SLX9: variants seen among roughly 807,000 people sequenced by gnomAD.
The protein encoded by SLX9 is SLX9 ribosome biogenesis factor, also known as ribosome biogenesis protein SLX9 homolog.
In SLX9, 19 loss-of-function variants were observed where a neutral mutation model predicts 20.8. The observed-to-expected ratio is 0.91, with a 90% CI of 0.64 to 1.34. The LOEUF (loss-of-function observed/expected upper bound fraction) is 1.34, where lower values mean the gene tolerates loss of function less well. SLX9 is among the 40% of genes most tolerant of loss of function. SLX9 has a pLI of 0.00. For synonymous variants in SLX9, 113 were observed against 137.1 expected (o/e 0.82, Z 1.23); for missense variants, 299 against 322.2 (o/e 0.93, Z 0.55).
chr21:44,956,044 G>A lies in SLX9; in HGVS notation c.284-4056G>A, dbSNP rs149169687. Among the ~76,000 whole-genome samples the A allele has an allele frequency of 2.4e-3, 368 of 152,354 alleles. 2 individuals carry two copies. The highest frequency in any genetic ancestry group is 7.8e-3 in the African/African-American group (323 of 41,578). On this transcript the variant is annotated intron_variant, in intron 2 of 5. Coordinates refer to ENST00000291634, the MANE Select transcript of SLX9 (RefSeq NM_058190.4). Reference sequence around the variant, plus strand: ...GCGGTGCCTGCTTTGTAAAATGCGCGGCTTTTCATCAGCAAGGCTACATTC... The same window carrying A: ...GCGGTGCCTGCTTTGTAAAATGCGCAGCTTTTCATCAGCAAGGCTACATTC...
intron 1 of SLX9, among the ~76,000 whole-genome samples, chr21:44,941,576 T>C (rs2084549414): frequency 6.6e-6 from 1 of 152,154 alleles, no homozygotes; most frequent in Admixed American, 6.5e-5. Flanking sequence ...CTTTTACCAC[T>C]GGATACCTCT....
At chr21:44,971,566 A>C (rs1021880714) in intron 4 of SLX9, among the ~76,000 whole-genome samples, 1 of 152,086 alleles carries the variant, frequency 6.6e-6, no homozygotes, top group African/African-American at 2.4e-5. Context: ...CTGCTAGTTC[A>C]TCTCTTAAAG....
intron 2 of SLX9, among the ~76,000 whole-genome samples, chr21:44,944,339 T>G (rs2084604324): frequency 6.6e-6 from 1 of 152,176 alleles, no homozygotes; most frequent in Admixed American, 6.5e-5. Flanking sequence ...GTTGTGCTCC[T>G]TGCAGCCCTG....
chr21:44,969,518 C>T (rs1406023746), intron 4 of SLX9, among the ~76,000 whole-genome samples: 1 of 152,156 alleles, frequency 6.6e-6, no homozygotes, highest in East Asian at 1.9e-4. Flanking sequence ...CGCTGGGAGT[C>T]CCCGTCCCTC....
At chr21:44,946,725 G>A (rs1441027762) in intron 2 of SLX9, among the ~76,000 whole-genome samples, 3 of 152,346 alleles carry the variant, frequency 2.0e-5, no homozygotes, top group East Asian at 1.9e-4. Context: ...CTGGCCAGCC[G>A]TCTCTGGCTG....
At position 44,948,666 on chromosome 21, in the gene SLX9, G is replaced by T. The variant is rs140961909; in HGVS notation, c.283+4829G>T. ...AGAGGGAGCTCACAGCATGGTGGAC[G>T]GCTTGGGGGCGGTGGGGGCATGAGA... On this transcript the variant is annotated intron_variant, in intron 2 of 5. Transcript: ENST00000291634. 1.9e-3 allele frequency among the ~76,000 whole-genome samples: 287 copies of T among 152,324 alleles called. 2 individuals are homozygous for T. Among genetic ancestry groups the T allele is most frequent in the African/African-American group, 6.1e-3 (252 of 41,564 alleles).
rs199645945 is a variant in SLX9, at chr21:44,967,135, C to T, written c.454C>T (p.Pro152Ser). 7 of 1,605,272 alleles carry T rather than the reference C, an allele frequency of 4.4e-6. No homozygotes were observed. Among genetic ancestry groups the T allele is most frequent in the African/African-American group, 4.0e-5 (3 of 74,758 alleles). Reference protein sequence around the residue: ...GDLHPLRDALPELLGLEAGSR... With the variant: ...GDLHPLRDALSELLGLEAGSR... ...CCTGCACCCTCTCAGGGATGCCCTG[C>T]CCGAGCTGCTGGGGCTCGAGGCTGG... is the stretch of plus-strand genomic sequence containing the variant. Residue 152 changes from proline (P) to serine (S), a missense_variant, in exon 4 of 6, where the codon CCC (proline) becomes TCC (serine). Coordinates refer to ENST00000291634, the MANE Select transcript of SLX9 (RefSeq NM_058190.4).
Position 44,974,917 on chromosome 21 carries a change from C to T in SLX9, c.569+1652C>T, listed in dbSNP as rs143967712. ...TGCCTGGACAGGGCGACGGGTTTTC[C>T]TCTTGCAGACTGTCTGTCGCCCGCA... On this transcript the variant is annotated intron_variant, in intron 5 of 5. Coordinates refer to ENST00000291634, the MANE Select transcript of SLX9 (RefSeq NM_058190.4). Among the ~76,000 whole-genome samples the T allele has an allele frequency of 1.5e-3, 230 of 152,322 alleles. 5 individuals are homozygous for T. Among genetic ancestry groups the T allele is most frequent in the East Asian group, 5.8e-4 (3 of 5,178 alleles).
In SLX9 at chr21:44,966,904, G is replaced by A. The variant is rs1415118972; in HGVS notation, c.353-130G>A. The A allele has an allele frequency of 5.8e-6, 7 of 1,200,666 alleles. No homozygotes were observed. In the Admixed American group the frequency reaches 6.3e-5, roughly 11 times the overall value. The allele number at this position is 1,200,666 out of a possible 1,614,324, so 74.4% of individuals were successfully genotyped here. A position where few individuals can be genotyped will look rare whatever the true frequency, so the allele number is the denominator to read the frequency against. The stretch of plus-strand genomic sequence containing the variant: ...CCTGCAGGTTCCCAGGGGCGGAATG[G>A]GGGTGACAGCGGGAAGGAGAGAGGC... On this transcript the variant is annotated intron_variant, in intron 3 of 5. Transcript: ENST00000291634.
intron 2 of SLX9, among the ~76,000 whole-genome samples, chr21:44,958,713 C>T (rs377104715): frequency 2.0e-5 from 3 of 152,216 alleles, no homozygotes; most frequent in African/African-American, 7.2e-5. Flanking sequence ...GTGGGGCCGC[C>T]GCCAGCAGTT....
At chr21:44,945,498 G>T (rs554688406) in intron 2 of SLX9, among the ~76,000 whole-genome samples, 1 of 152,190 alleles carries the variant, frequency 6.6e-6, no homozygotes, top group South Asian at 2.1e-4. Context: ...TGGCTCATCT[G>T]GTCCCCAAGG....
intron 2 of SLX9, among the ~76,000 whole-genome samples, chr21:44,956,422 C>T (rs990813378): frequency 6.6e-6 from 1 of 152,150 alleles, no homozygotes; most frequent in Admixed American, 6.5e-5. Context: ...GCCTGTCCCA[C>T]GATGCATTTC....
intron 2 of SLX9, among the ~76,000 whole-genome samples, chr21:44,948,195 C>T (rs539723143): frequency 3.5e-4 from 53 of 151,630 alleles, no homozygotes; most frequent in African/African-American, 1.1e-3. Flanking sequence ...GGGAGGTGGT[C>T]GTGGAGCATC....
upstream of SLX9, chr21:44,939,914 C>A: frequency 1.2e-6 from 1 of 842,788 alleles, no homozygotes; most frequent in Non-Finnish European, 1.7e-6. Flanking sequence ...CACCCGCGAC[C>A]CTGCGCCCGC....
At chr21:44,945,511 A>T (rs1172007580) in intron 2 of SLX9, among the ~76,000 whole-genome samples, 1 of 152,022 alleles carries the variant, frequency 6.6e-6, no homozygotes, top group Non-Finnish European at 1.5e-5. Flanking sequence ...CCCCAAGGTC[A>T]CCTGCTGCAC....
chr21:44,967,251 G>A, intron 4 of SLX9, 70 bp downstream of exon 4: 4 of 1,507,968 alleles, frequency 2.7e-6, no homozygotes, highest in Non-Finnish European at 3.5e-6. Context: ...GGAGGGATAT[G>A]AGTGGGAGCC....
At chr21:44,954,584 A>C (rs575279751) in intron 2 of SLX9, among the ~76,000 whole-genome samples, 1 of 152,144 alleles carries the variant, frequency 6.6e-6, no homozygotes, top group Non-Finnish European at 1.5e-5. Flanking sequence ...GGAGGTGGGC[A>C]CAGGGCCCAG....
chr21:44,947,937 C>T (rs7282839), intron 2 of SLX9, among the ~76,000 whole-genome samples: 2,745 of 152,356 alleles, frequency 0.018, 92 homozygotes, highest in African/African-American at 0.063. Flanking sequence ...CCTCCATGTC[C>T]GCTCTGGGGG....
Position 44,963,096 on chromosome 21 carries a change from T to C in SLX9, c.352+2928T>C, listed in dbSNP as rs573635999. 1.1e-4 allele frequency among the ~76,000 whole-genome samples: 16 copies of C among 151,510 alleles called. No homozygotes were observed. In the East Asian group the frequency reaches 1.5e-3, roughly 15 times the overall value. Reference sequence around the variant, plus strand: ...ACTTGCCTGTTCATTTTCTTTCTTTTTTTTTTTTTTTGAGATAGAGTCTTG... The same window carrying C: ...ACTTGCCTGTTCATTTTCTTTCTTTCTTTTTTTTTTTGAGATAGAGTCTTG... On this transcript the variant is annotated intron_variant, in intron 3 of 5. Coordinates refer to ENST00000291634, the MANE Select transcript of SLX9 (RefSeq NM_058190.4).
Sources: gnomAD v4.1 joint callset for allele counts (sites outside exome capture counted in the v4.1 genomes callset) on GRCh38, gnomAD v4.1.1 for gene constraint, MANE v1.5 for transcripts, NCBI Gene and HGNC (gene_info 2026-07-23, HGNC 2026-07-21) for gene names.